DYM: variants seen among roughly 807,000 people sequenced by gnomAD.
The protein encoded by DYM is dymeclin.
A neutral mutation model predicts 93.1 loss-of-function variants in DYM; 78 were observed. The observed-to-expected ratio is 0.84, with a 90% CI of 0.70 to 1.01. The LOEUF (loss-of-function observed/expected upper bound fraction) is 1.01. DYM is among the 50% of genes least tolerant of loss of function. The probability of loss-of-function intolerance (pLI) is 0.00; values close to 1 mark genes in which losing one functional copy is unlikely to be tolerated. For synonymous variants in DYM, 321 were observed against 319.7 expected (o/e 1.00, Z -0.04); for missense variants, 789 against 845.0 (o/e 0.93, Z 0.82).
intron 17 of DYM, chr18:49,097,052 A>G: frequency 2.7e-6 from 1 of 374,900 alleles, no homozygotes; most frequent in Non-Finnish European, 5.1e-6. Flanking sequence ...GAGTCACACT[A>G]TGGAAATATT....
chr18:49,346,015 T>A (rs2064561914), intron 6 of DYM, among the ~76,000 whole-genome samples: 1 of 152,196 alleles, frequency 6.6e-6, no homozygotes, highest in African/African-American at 2.4e-5. Flanking sequence ...ACTGAAACCC[T>A]CTTTCATGGC....
intron 13 of DYM, among the ~76,000 whole-genome samples, chr18:49,238,791 CAA>C (rs796615887): frequency 2.0e-4 from 19 of 93,930 alleles, no homozygotes; most frequent in Admixed American, 3.4e-4. Flanking sequence ...GACTCCGTCT[CAA>C]AAAAAAAAAA....
At chr18:49,287,226 C>T (rs1042093914) in intron 8 of DYM, among the ~76,000 whole-genome samples, 10 of 151,598 alleles carry the variant, frequency 6.6e-5, no homozygotes, top group Non-Finnish European at 2.9e-5. Flanking sequence ...GATCAAGAGG[C>T]TTTGTTTCTA....
At chr18:49,303,344 A>G (rs1265144915) in intron 8 of DYM, among the ~76,000 whole-genome samples, 1 of 152,216 alleles carries the variant, frequency 6.6e-6, no homozygotes, top group African/African-American at 2.4e-5. Context: ...TAAGGTGCCC[A>G]TGATTTTAAA....
At chr18:49,432,329 C>CAAAA (rs11429840) in intron 1 of DYM, among the ~76,000 whole-genome samples, 219 of 73,866 alleles carry the variant, frequency 3.0e-3, no homozygotes, top group Non-Finnish European at 3.7e-3. Context: ...AAGACTGTCT[C>CAAAA]AAAAAAAAAA....
At chr18:49,197,599 T>C (rs1276357383) in intron 14 of DYM, among the ~76,000 whole-genome samples, 1 of 152,056 alleles carries the variant, frequency 6.6e-6, no homozygotes. Context: ...TTATCTATTA[T>C]AGCCAAATCA....
chr18:49,430,441 A>G lies in DYM; in HGVS notation c.-47T>C. The G allele has an allele frequency of 5.6e-6, 9 of 1,608,714 alleles. No individual in the cohort carries two copies. The highest frequency in any genetic ancestry group is 7.6e-6 in the Non-Finnish European group (9 of 1,179,030). On this transcript the variant is annotated 5_prime_UTR_variant, in exon 2 of 18. Coordinates refer to ENST00000675505, the MANE Select transcript of DYM (RefSeq NM_001353214.3). Reference sequence around the variant, plus strand: ...TTGTCCTTAAACCTGCATTTCCAAAAGACAACCTATAAAAAATAAAAATAA... The same window carrying G: ...TTGTCCTTAAACCTGCATTTCCAAAGGACAACCTATAAAAAATAAAAATAA...
In DYM at chr18:49,401,838, C is replaced by T. The variant is rs558132484; in HGVS notation, c.141-10193G>A. Among the ~76,000 whole-genome samples, 3 of 152,102 alleles carry T rather than the reference C, an allele frequency of 2.0e-5. No individual in the cohort carries two copies. The South Asian group carries it at 6.2e-4, about 32-fold the overall frequency. On this transcript the variant is annotated intron_variant, in intron 2 of 17. Transcript: ENST00000675505. ...ATCAGGAGTTCAAGACCAGCCTGGC[C>T]AACGTGGCAAAACCCCATCTCTACT... is the stretch of plus-strand genomic sequence containing the variant.
intron 15 of DYM, among the ~76,000 whole-genome samples, chr18:49,139,685 A>T (rs2084242595): frequency 6.6e-6 from 1 of 152,172 alleles, no homozygotes; most frequent in South Asian, 2.1e-4. Flanking sequence ...AATGAAGAAA[A>T]CAGAACAATA....
chr18:49,195,737 A>C (rs1490088474), intron 14 of DYM, among the ~76,000 whole-genome samples: 5 of 152,194 alleles, frequency 3.3e-5, no homozygotes, highest in Non-Finnish European at 7.3e-5. Context: ...AATTTCAACA[A>C]GTGGAAAATT....
At chr18:49,313,766 G>A (rs189617024) in intron 8 of DYM, among the ~76,000 whole-genome samples, 1 of 152,208 alleles carries the variant, frequency 6.6e-6, no homozygotes, top group Non-Finnish European at 1.5e-5. Flanking sequence ...TTGGGATCTG[G>A]ATCGGGACCC....
At chr18:49,213,301 T>TC (rs2092876201) in intron 13 of DYM, among the ~76,000 whole-genome samples, 1 of 151,682 alleles carries the variant, frequency 6.6e-6, no homozygotes, top group Non-Finnish European at 1.5e-5. Context: ...TCTAACTTTT[T>TC]TTTTTTTTTT....
chr18:49,244,677 T>C (rs1234662253), intron 13 of DYM, among the ~76,000 whole-genome samples: 1 of 152,134 alleles, frequency 6.6e-6, no homozygotes, highest in African/African-American at 2.4e-5. Flanking sequence ...ATCCAGTATG[T>C]GTGTGACGGA....
intron 2 of DYM, among the ~76,000 whole-genome samples, chr18:49,415,539 G>A (rs1284162558): frequency 6.6e-6 from 1 of 151,472 alleles, no homozygotes; most frequent in Non-Finnish European, 1.5e-5. Flanking sequence ...GCCAAGAGCT[G>A]CCCTTTTTGC....
intron 11 of DYM, among the ~76,000 whole-genome samples, chr18:49,259,401 A>G (rs1251344182): frequency 2.0e-5 from 3 of 152,238 alleles, no homozygotes; most frequent in Non-Finnish European, 4.4e-5. Context: ...AAATACCGTG[A>G]TGATACATAA....
At position 49,430,451 on chromosome 18, in the gene DYM, TA is replaced by T; in HGVS notation, c.-53-5del. The T allele has an allele frequency of 6.2e-7, 1 of 1,601,452 alleles. No individual in the cohort carries two copies. Among genetic ancestry groups the T allele is most frequent in the South Asian group, 1.1e-5 (1 of 90,430 alleles). ...ACCTGCATTTCCAAAAGACAACCTA[TA>T]AAAAATAAAAATAAAAACTTTAAAC... On this transcript the variant is annotated splice_region_variant and splice_polypyrimidine_tract_variant and intron_variant, in intron 1 of 17. Transcript: ENST00000675505.
Position 49,234,613 on chromosome 18 carries a change from G to A in DYM, c.1460+22397C>T, listed in dbSNP as rs569354159. On this transcript the variant is annotated intron_variant, in intron 13 of 17. Transcript: ENST00000675505. ...GCATCTGAAAAGAGTGTGAGTCTCC[G>A]AGGACTGTGTGATAGGCAGAATTTC... 3.3e-5 allele frequency among the ~76,000 whole-genome samples: 5 copies of A among 152,254 alleles called. No homozygotes were observed. In the South Asian group the frequency reaches 6.2e-4, roughly 19 times the overall value.
At chr18:49,202,931 C>T (rs1348824341) in intron 14 of DYM, among the ~76,000 whole-genome samples, 1 of 136,144 alleles carries the variant, frequency 7.3e-6, no homozygotes, top group African/African-American at 2.7e-5. Flanking sequence ...GCCTGGCCAG[C>T]CGCCCCATCC....
intron 2 of DYM, among the ~76,000 whole-genome samples, chr18:49,404,008 TG>T (rs1222492829): frequency 2.0e-5 from 3 of 150,624 alleles, no homozygotes; most frequent in East Asian, 3.9e-4. Context: ...GTTTTTTTTT[TG>T]TTTGTTTGTT....
Sources: allele counts gnomAD v4.1 joint callset (sites outside exome capture counted in the v4.1 genomes callset), GRCh38; gene constraint gnomAD v4.1.1; transcripts MANE v1.5; gene names NCBI Gene and HGNC (gene_info 2026-07-23, HGNC 2026-07-21).